The following MME variants were observed in gnomAD, a reference collection of about 807,000 sequenced individuals.
MME encodes neprilysin.
MME carries 98 observed loss-of-function variants against 113.2 expected under a neutral mutation model. The observed-to-expected ratio is 0.87, with a 90% CI of 0.74 to 1.02. The LOEUF (loss-of-function observed/expected upper bound fraction) is 1.02, where lower values mean the gene tolerates loss of function less well. MME is among the 50% of genes least tolerant of loss of function. MME has a pLI of 0.00. For missense variants in MME, 836 were observed against 896.0 expected, an observed-to-expected ratio of 0.93 and a Z score of 0.86; for synonymous variants, 292 against 300.6, an observed-to-expected ratio of 0.97 and a Z score of 0.30.
chr3:155,093,819 G>A (rs1716496646), intron 3 of MME, among the ~76,000 whole-genome samples: 1 of 148,072 alleles, frequency 6.8e-6, no homozygotes, highest in Non-Finnish European at 1.5e-5. Context: ...TCTTGCCACT[G>A]CACTCCAGCC....
At chr3:155,108,984 G>T (rs986171110) in intron 3 of MME, among the ~76,000 whole-genome samples, 1 of 152,116 alleles carries the variant, frequency 6.6e-6, no homozygotes, top group Non-Finnish European at 1.5e-5. Flanking sequence ...TGTAGTGGGG[G>T]TCCCGTGTAA....
chr3:155,057,874 T>C (rs1713992282), intron 1 of MME, among the ~76,000 whole-genome samples: 2 of 152,170 alleles, frequency 1.3e-5, no homozygotes, highest in African/African-American at 2.4e-5. Flanking sequence ...TTTCCCTGTC[T>C]TGCTTATATA....
At chr3:155,101,481 C>T (rs1451090008) in intron 3 of MME, among the ~76,000 whole-genome samples, 1 of 152,130 alleles carries the variant, frequency 6.6e-6, no homozygotes, top group African/African-American at 2.4e-5. Flanking sequence ...TTCCAGTCAG[C>T]CCTACTCTTG....
intron 3 of MME, among the ~76,000 whole-genome samples, chr3:155,094,618 A>G (rs1716573195): frequency 6.6e-6 from 1 of 152,178 alleles, no homozygotes; most frequent in Non-Finnish European, 1.5e-5. Context: ...TCAAATAAAA[A>G]TGTGTCATCC....
chr3:155,052,650 A>T (rs1297027627), intron 1 of MME, among the ~76,000 whole-genome samples: 1 of 152,228 alleles, frequency 6.6e-6, no homozygotes, highest in Non-Finnish European at 1.5e-5. Flanking sequence ...GGTCCAGCCC[A>T]CAAAACCATT....
At chr3:155,141,931 T>A in intron 10 of MME, 60 bp from the exon 11 acceptor site, 2 of 1,591,646 alleles carry the variant, frequency 1.3e-6, no homozygotes, top group Non-Finnish European at 1.7e-6. Flanking sequence ...TATAACTGAA[T>A]CTTGGACCCA....
intron 3 of MME, among the ~76,000 whole-genome samples, chr3:155,112,087 T>C (rs1304499156): frequency 1.3e-5 from 2 of 152,174 alleles, no homozygotes; most frequent in South Asian, 2.1e-4. Context: ...ACTGAGGTGT[T>C]AAAGTTGGAG....
At chr3:155,180,262 C>G in intron 22 of MME, 98 bp from the exon 23 acceptor site, 2 of 877,154 alleles carry the variant, frequency 2.3e-6, no homozygotes, top group Non-Finnish European at 3.9e-6. Context: ...ATTCCAAATT[C>G]ATTCACTTGA....
Position 155,084,254 on chromosome 3 carries a change from C to A in MME, c.87C>A (p.Ile29=). ...AACAGCGATGGACTCCACTGGAGAT[C>A]AGCCTCTCGGTCCTTGTCCTGCTCC... ...KKKQRWTPLE[I]SLSVLVLLLT... is the part of the protein sequence containing the mutation. The change falls in exon 2 of 23, where the codon ATC becomes ATA. Residue 29 remains isoleucine, a synonymous_variant. Transcript: ENST00000360490. 1 of 1,614,152 alleles carries A rather than the reference C, an allele frequency of 6.2e-7. No homozygotes were observed. The highest frequency in any genetic ancestry group is 8.5e-7 in the Non-Finnish European group (1 of 1,179,998).
chr3:155,094,436 T>C (rs1716550302), intron 3 of MME, among the ~76,000 whole-genome samples: 1 of 152,182 alleles, frequency 6.6e-6, no homozygotes, highest in Non-Finnish European at 1.5e-5. Context: ...AATGCACAGA[T>C]AGGATTCATA....
At chr3:155,151,746 T>C (rs769315092) in intron 16 of MME, among the ~76,000 whole-genome samples, 5 of 152,140 alleles carry the variant, frequency 3.3e-5, no homozygotes, top group Admixed American at 6.5e-5. Flanking sequence ...TCTACAGTGA[T>C]AGTTAATTCA....
At chr3:155,087,646 C>T (rs1302708023) in intron 3 of MME, among the ~76,000 whole-genome samples, 1 of 152,200 alleles carries the variant, frequency 6.6e-6, no homozygotes, top group Non-Finnish European at 1.5e-5. Flanking sequence ...GTCTTTAATA[C>T]ACTTGACATG....
intron 8 of MME, among the ~76,000 whole-genome samples, chr3:155,128,111 T>A (rs879819041): frequency 5.9e-5 from 9 of 152,218 alleles, no homozygotes; most frequent in Non-Finnish European, 1.3e-4. Context: ...CTGTAAGCAA[T>A]CTCCTTTCAG....
At chr3:155,060,187 A>G (rs1210263400) in intron 1 of MME, among the ~76,000 whole-genome samples, 1 of 152,158 alleles carries the variant, frequency 6.6e-6, no homozygotes, top group Non-Finnish European at 1.5e-5. Context: ...CAAAATTATG[A>G]TTTCACAGCT....
At chr3:155,049,984 G>A (rs763256668) in intron 1 of MME, among the ~76,000 whole-genome samples, 55 of 151,950 alleles carry the variant, frequency 3.6e-4, no homozygotes, top group Admixed American at 1.1e-3. Context: ...TTCCTCCTCC[G>A]AACCTTCACT....
intron 3 of MME, among the ~76,000 whole-genome samples, chr3:155,100,354 A>G (rs927504457): frequency 1.3e-4 from 20 of 152,208 alleles, no homozygotes; most frequent in Non-Finnish European, 2.5e-4. Context: ...ACAATGAGAT[A>G]TCATCTCACA....
intron 1 of MME, among the ~76,000 whole-genome samples, chr3:155,050,275 AAT>A (rs767722278): frequency 6.6e-6 from 1 of 152,182 alleles, no homozygotes; most frequent in Non-Finnish European, 1.5e-5. Context: ...TGCTATTATA[AAT>A]AGTTTTGTGA....
chr3:155,167,348 G>A (rs913613432), intron 18 of MME, among the ~76,000 whole-genome samples: 2 of 152,072 alleles, frequency 1.3e-5, no homozygotes, highest in Non-Finnish European at 2.9e-5. Flanking sequence ...TACTCTTAAA[G>A]GACAGGCTGC....
At chr3:155,094,854 A>G (rs1716597794) in intron 3 of MME, among the ~76,000 whole-genome samples, 1 of 152,192 alleles carries the variant, frequency 6.6e-6, no homozygotes, top group Admixed American at 6.5e-5. Context: ...CCCTTGAAGT[A>G]AGTAAGTCAG....
Sources: allele counts gnomAD v4.1 joint callset (sites outside exome capture counted in the v4.1 genomes callset), GRCh38; gene constraint gnomAD v4.1.1; transcripts MANE v1.5; gene names NCBI Gene and HGNC (gene_info 2026-07-23, HGNC 2026-07-21).